Variants in ARHGAP17 observed in about 807,000 individuals in gnomAD.
ARHGAP17 encodes Rho GTPase activating protein 17.
In ARHGAP17, 57 loss-of-function variants were observed where a neutral mutation model predicts 99.5. The ratio of observed to expected loss-of-function variants is 0.57; its 90% CI spans 0.46 to 0.71. The LOEUF (loss-of-function observed/expected upper bound fraction) is 0.71. Ranked by LOEUF, ARHGAP17 falls within the 30% of genes least tolerant of loss-of-function variation. The pLI, the probability that ARHGAP17 is intolerant of heterozygous loss-of-function variation, is 0.00. For synonymous variants in ARHGAP17, 417 were observed against 429.6 expected (o/e 0.97, Z 0.36); for missense variants, 1,000 against 1,122.4 (o/e 0.89, Z 1.56).
chr16:24,933,519 G>A (rs566911480), intron 18 of ARHGAP17, among the ~76,000 whole-genome samples: 48 of 151,800 alleles, frequency 3.2e-4, no homozygotes, highest in Middle Eastern at 3.4e-3. Context: ...AAGAAAAAAG[G>A]GTAAAGTCTA....
Position 25,015,316 on chromosome 16 carries a change from G to A in ARHGAP17, c.-55C>T. On this transcript the variant is annotated 5_prime_UTR_variant, in exon 1 of 20. Coordinates refer to ENST00000289968, the MANE Select transcript of ARHGAP17 (RefSeq NM_001006634.3). ...CTCGGGCCGGGCAGGGCGGGGGACA[G>A]CCTGGCAGCTACTACATCGCTTCCC... 1.6e-6 allele frequency: 2 copies of A among 1,260,702 alleles called. No individual in the cohort carries two copies. The highest frequency in any genetic ancestry group is 2.9e-5 in the South Asian group (1 of 34,840). 78.1% of individuals were successfully genotyped at this position (1,260,702 alleles called of 1,614,324 possible).
chr16:24,969,495 G>C (rs2052295454), intron 4 of ARHGAP17, among the ~76,000 whole-genome samples: 1 of 152,110 alleles, frequency 6.6e-6, no homozygotes, highest in South Asian at 2.1e-4. Context: ...TGGGGTCTCA[G>C]GCAATTTCCC....
chr16:24,972,593 T>C (rs2052399333), intron 3 of ARHGAP17: 1 of 152,234 alleles, frequency 6.6e-6, no homozygotes, highest in Non-Finnish European at 1.5e-5. Flanking sequence ...GGATAATTCC[T>C]ACCTTTTGGT....
intron 9 of ARHGAP17, among the ~76,000 whole-genome samples, chr16:24,959,238 T>C (rs1214975709): frequency 2.6e-5 from 4 of 152,200 alleles, no homozygotes; most frequent in Non-Finnish European, 4.4e-5. Context: ...ACGTGCATGA[T>C]GTGGCATCAA....
At chr16:24,944,935 T>C (rs935102116) in intron 14 of ARHGAP17, among the ~76,000 whole-genome samples, 4 of 152,022 alleles carry the variant, frequency 2.6e-5, no homozygotes, top group African/African-American at 7.2e-5. Context: ...TTTATTATGT[T>C]GAAACCTGAG....
chr16:24,962,923 A>C (rs1181479248), intron 7 of ARHGAP17, among the ~76,000 whole-genome samples: 2 of 152,254 alleles, frequency 1.3e-5, no homozygotes, highest in African/African-American at 4.8e-5. Context: ...GTGAAACAGA[A>C]CATAGATCTG....
At chr16:24,970,621 ATACCCATTCTC>A in intron 3 of ARHGAP17, 41 bp from the exon 4 acceptor site, 1 of 1,531,272 alleles carries the variant, frequency 6.5e-7, no homozygotes, top group Non-Finnish European at 9.0e-7. Flanking sequence ...TCATTATTTG[ATACCCATTCTC>A]AATGATCTTT....
intron 19 of ARHGAP17, among the ~76,000 whole-genome samples, chr16:24,928,727 G>T (rs976177792): frequency 6.6e-6 from 1 of 152,158 alleles, no homozygotes; most frequent in Non-Finnish European, 1.5e-5. Context: ...CAGGCCAGCT[G>T]ATTAAAGCAG....
At chr16:24,952,155 G>C in intron 12 of ARHGAP17, 134 bp downstream of exon 12, 2 of 598,084 alleles carry the variant, frequency 3.3e-6, no homozygotes, top group Non-Finnish European at 2.8e-6. Flanking sequence ...ACATAAATAA[G>C]AGCTGAGACA....
intron 6 of ARHGAP17, 106 bp from the exon 7 acceptor site, chr16:24,964,414 TG>T (rs1415185777): frequency 1.3e-6 from 1 of 773,052 alleles, no homozygotes; most frequent in Non-Finnish European, 2.2e-6. Context: ...TGATTCTACC[TG>T]GAAGGGGTAT....
At chr16:24,973,776 A>G (rs2052436747) in intron 3 of ARHGAP17, among the ~76,000 whole-genome samples, 3 of 152,206 alleles carry the variant, frequency 2.0e-5, no homozygotes, top group Admixed American at 2.0e-4. Flanking sequence ...CTTACATTTC[A>G]TTCATTTTAT....
intron 6 of ARHGAP17, among the ~76,000 whole-genome samples, chr16:24,967,286 T>C (rs1871092804): frequency 6.6e-6 from 1 of 152,258 alleles, no homozygotes. Flanking sequence ...GCCATGCTCA[T>C]TCATGTATGC....
chr16:24,982,992 A>T (rs1238724807), intron 1 of ARHGAP17, among the ~76,000 whole-genome samples: 5 of 28,758 alleles, frequency 1.7e-4, no homozygotes, highest in African/African-American at 7.3e-4. Context: ...ATATATATAT[A>T]TATATTTTTT....
Position 24,994,579 on chromosome 16 carries a change from G to T in ARHGAP17, c.54-15574C>A, listed in dbSNP as rs558893850. 2.6e-5 allele frequency among the ~76,000 whole-genome samples: 4 copies of T among 152,284 alleles called. No individual in the cohort carries two copies. The South Asian group carries it at 8.3e-4, about 32-fold the overall frequency. ...GGGAAGTGCAGGGTCCCTGGGAGTT[G>T]TCACTATCACCACAGCCCACATTTA... On this transcript the variant is annotated intron_variant, in intron 1 of 19. Coordinates refer to ENST00000289968, the MANE Select transcript of ARHGAP17 (RefSeq NM_001006634.3).
At chr16:25,009,182 A>G (rs1161221698) in intron 1 of ARHGAP17, among the ~76,000 whole-genome samples, 1 of 152,194 alleles carries the variant, frequency 6.6e-6, no homozygotes, top group African/African-American at 2.4e-5. Context: ...CCTGGCCAAC[A>G]TGGCAAAACT....
At chr16:24,992,871 A>C (rs2053088311) in intron 1 of ARHGAP17, among the ~76,000 whole-genome samples, 1 of 152,098 alleles carries the variant, frequency 6.6e-6, no homozygotes, top group African/African-American at 2.4e-5. Flanking sequence ...TGCGATCGTA[A>C]CTTATTTTAG....
At chr16:24,937,010 G>A (rs916041432) in intron 17 of ARHGAP17, among the ~76,000 whole-genome samples, 3 of 151,892 alleles carry the variant, frequency 2.0e-5, no homozygotes, top group Non-Finnish European at 4.4e-5. Context: ...TCCCAGTTGG[G>A]AGGCTGAGGT....
intron 18 of ARHGAP17, among the ~76,000 whole-genome samples, chr16:24,932,126 T>TG (rs1030117970): frequency 2.1e-5 from 3 of 143,630 alleles, no homozygotes; most frequent in East Asian, 2.1e-4. Flanking sequence ...AAAAAAAAGT[T>TG]GGGGGGGATG....
At chr16:24,989,418 A>G (rs2052968443) in intron 1 of ARHGAP17, among the ~76,000 whole-genome samples, 1 of 152,254 alleles carries the variant, frequency 6.6e-6, no homozygotes, top group Admixed American at 6.5e-5. Flanking sequence ...TCAGAAAAAT[A>G]GTAAAAATAA....
Sources: allele counts gnomAD v4.1 joint callset (sites outside exome capture counted in the v4.1 genomes callset), GRCh38; gene constraint gnomAD v4.1.1; transcripts MANE v1.5; gene names NCBI Gene and HGNC (gene_info 2026-07-23, HGNC 2026-07-21).